The following MAGI2 variants were observed in gnomAD, a reference collection of about 807,000 sequenced individuals.
MAGI2 encodes membrane-associated guanylate kinase, WW and PDZ domain-containing protein 2.
In MAGI2, 35 loss-of-function variants were observed where a neutral mutation model predicts 133.3. The ratio of observed to expected loss-of-function variants is 0.26; its 90% confidence interval spans 0.20 to 0.35. The LOEUF is 0.35. MAGI2 is among the 10% of genes least tolerant of loss of function. The pLI, the probability that MAGI2 is intolerant of heterozygous loss-of-function variation, is 1.00. For synonymous variants in MAGI2, 729 were observed against 710.6 expected (o/e 1.03, Z -0.41); for missense variants, 1,636 against 1,863.4 (o/e 0.88, Z 2.25).
chr7:78,848,528 TC>T (rs1348972954), intron 2 of MAGI2, among the ~76,000 whole-genome samples: 1 of 152,028 alleles, frequency 6.6e-6, no homozygotes, highest in Non-Finnish European at 1.5e-5. Flanking sequence ...TGAAAGGGAC[TC>T]AACCCTGCAC....
At chr7:78,511,858 G>A (rs1298490896) in intron 4 of MAGI2, among the ~76,000 whole-genome samples, 2 of 151,598 alleles carry the variant, frequency 1.3e-5, no homozygotes, top group Non-Finnish European at 1.5e-5. Flanking sequence ...CACTTTGGGA[G>A]GCCGAGGTGG....
At chr7:78,622,711 T>C (rs994256995) in intron 3 of MAGI2, among the ~76,000 whole-genome samples, 5 of 152,068 alleles carry the variant, frequency 3.3e-5, no homozygotes, top group African/African-American at 1.2e-4. Context: ...ATTTTGCTAG[T>C]TCCTCAGCTG....
chr7:78,406,774 C>T (rs1270669890), intron 6 of MAGI2, among the ~76,000 whole-genome samples: 1 of 151,976 alleles, frequency 6.6e-6, no homozygotes. Flanking sequence ...CTTATTGTAG[C>T]TATGGTAAGG....
At chr7:78,771,679 A>G (rs981472928) in intron 2 of MAGI2, among the ~76,000 whole-genome samples, 1 of 152,042 alleles carries the variant, frequency 6.6e-6, no homozygotes, top group Non-Finnish European at 1.5e-5. Context: ...TCATTTTACT[A>G]CTTACACACT....
At chr7:78,155,473 ACATGGTGGTG>A (rs1242907458) in intron 16 of MAGI2, among the ~76,000 whole-genome samples, 3 of 152,036 alleles carry the variant, frequency 2.0e-5, no homozygotes, top group African/African-American at 7.2e-5. Context: ...AATTAGCTGG[ACATGGTGGTG>A]CATGGTGGTC....
chr7:78,724,915 G>A (rs777827804), intron 2 of MAGI2, among the ~76,000 whole-genome samples: 2 of 152,124 alleles, frequency 1.3e-5, no homozygotes, highest in Non-Finnish European at 2.9e-5. Context: ...GGAGAGAAGC[G>A]CTCTAAGTGC....
At chr7:78,277,010 CTTAT>C (rs1352208345) in intron 9 of MAGI2, among the ~76,000 whole-genome samples, 3 of 152,144 alleles carry the variant, frequency 2.0e-5, no homozygotes, top group Admixed American at 2.0e-4. Flanking sequence ...CAATCTCAAT[CTTAT>C]TTATTAAATT....
intron 4 of MAGI2, among the ~76,000 whole-genome samples, chr7:78,504,735 G>T (rs2150535439): frequency 6.6e-6 from 1 of 151,984 alleles, no homozygotes; most frequent in Non-Finnish European, 1.5e-5. Context: ...ACTATTTTTT[G>T]CAATATTGTT....
At position 78,333,804 on chromosome 7, in the gene MAGI2, T is replaced by C. The variant is rs930849230; in HGVS notation, c.1408+9974A>G. On this transcript the variant is annotated intron_variant, in intron 9 of 21. Transcript: ENST00000354212. ...AGAGCTTCATATGACTGCAGCTGGG[T>C]GATGAGTCCCAAAGGAAGTCTAGTA... Among the ~76,000 whole-genome samples, 3 of 152,046 alleles carry C rather than the reference T, an allele frequency of 2.0e-5. No individual in the cohort carries two copies. In the South Asian group the frequency reaches 6.2e-4, roughly 32 times the overall value.
intron 1 of MAGI2, among the ~76,000 whole-genome samples, chr7:79,202,788 C>G (rs1828725578): frequency 6.6e-6 from 1 of 151,908 alleles, no homozygotes; most frequent in Non-Finnish European, 1.5e-5. Context: ...TTCTAAAAAC[C>G]TGTACTACTT....
chr7:78,324,559 T>C lies in MAGI2; in HGVS notation c.1408+19219A>G, dbSNP rs1788383071. 1.3e-5 allele frequency among the ~76,000 whole-genome samples: 2 copies of C among 151,164 alleles called. 1 individual carries two copies. Among genetic ancestry groups the C allele is most frequent in the South Asian group, 4.2e-4 (2 of 4,804 alleles). ...TTATCACAAAAATTAAATTAGATAT[T>C]ATATATTAAGAATGTGGCACAATGT... On this transcript the variant is annotated intron_variant, in intron 9 of 21. Coordinates refer to ENST00000354212, the MANE Select transcript of MAGI2 (RefSeq NM_012301.4).
intron 1 of MAGI2, among the ~76,000 whole-genome samples, chr7:79,171,760 ATATATATATATTTTTTTT>A (rs1562961188): frequency 0.02 from 642 of 32,280 alleles, 31 homozygotes; most frequent in African/African-American, 0.044. Flanking sequence ...ATATATATAT[ATATATATATATTTTTTTT>A]TTTTTTTTCT....
At chr7:79,367,357 G>A (rs1237676195) in intron 1 of MAGI2, among the ~76,000 whole-genome samples, 1 of 152,108 alleles carries the variant, frequency 6.6e-6, no homozygotes, top group Admixed American at 6.6e-5. Flanking sequence ...ATGCATCATT[G>A]ATGTTGCTTA....
At chr7:78,723,206 ACT>A (rs1243166246) in intron 2 of MAGI2, among the ~76,000 whole-genome samples, 2 of 152,216 alleles carry the variant, frequency 1.3e-5, no homozygotes, top group African/African-American at 2.4e-5. Flanking sequence ...AAAAATGTAA[ACT>A]GTTATTTTCT....
Position 78,523,795 on chromosome 7 carries a change from T to G in MAGI2, c.539-2150A>C, listed in dbSNP as rs148042603. 7.8e-3 allele frequency among the ~76,000 whole-genome samples: 1,184 copies of G among 151,914 alleles called. 19 individuals are homozygous for G. Among genetic ancestry groups the G allele is most frequent in the African/African-American group, 0.027 (1,110 of 41,416 alleles). ...ACCACCTGGTCTCTCCCTTGACATGTGGGGATTATGGGGATTACAATTCAA... is the reference window on the plus strand; with the variant it reads ...ACCACCTGGTCTCTCCCTTGACATGGGGGGATTATGGGGATTACAATTCAA... On this transcript the variant is annotated intron_variant, in intron 3 of 21. Transcript: ENST00000354212.
At chr7:78,099,584 T>C (rs112159548) in intron 20 of MAGI2, among the ~76,000 whole-genome samples, 3,796 of 152,268 alleles carry the variant, frequency 0.025, 59 homozygotes, top group Non-Finnish European at 0.038. Context: ...ATGCCATGTG[T>C]TATTATCATG....
rs370809243 is a variant in MAGI2, at chr7:78,209,221, C to CAAAAAAAAAAAAAA, written c.2048-8042_2048-8029dup. ...TGGGCGACAGAGCAAGACTCTGTCT[C>CAAAAAAAAAAAAAA]AAAAAAAAAAAAAAAAAAAAAAAAG... On this transcript the variant is annotated intron_variant, in intron 10 of 21. Transcript: ENST00000354212. 4.1e-3 allele frequency among the ~76,000 whole-genome samples: 44 copies of CAAAAAAAAAAAAAA among 10,628 alleles called. 2 individuals carry two copies. Among genetic ancestry groups the CAAAAAAAAAAAAAA allele is most frequent in the Non-Finnish European group, 6.2e-3 (38 of 6,114 alleles). 7.0% of individuals were successfully genotyped at this position (10,628 alleles called of 152,430 possible).
chr7:79,050,440 T>C (rs1812571895), intron 1 of MAGI2, among the ~76,000 whole-genome samples: 1 of 152,148 alleles, frequency 6.6e-6, no homozygotes, highest in Non-Finnish European at 1.5e-5. Context: ...TGTATTGCAG[T>C]GGTGCAATTA....
intron 2 of MAGI2, among the ~76,000 whole-genome samples, chr7:78,886,923 G>A (rs1796318601): frequency 6.6e-6 from 1 of 152,038 alleles, no homozygotes; most frequent in Non-Finnish European, 1.5e-5. Context: ...TCCCCACCAT[G>A]GTATTCTCAT....
Sources: gnomAD v4.1 joint callset for allele counts (sites outside exome capture counted in the v4.1 genomes callset) on GRCh38, gnomAD v4.1.1 for gene constraint, MANE v1.5 for transcripts, NCBI Gene and HGNC (gene_info 2026-07-23, HGNC 2026-07-21) for gene names.